The following SVIL variants were observed in gnomAD, a reference collection of about 807,000 sequenced individuals.
SVIL encodes archvillin.
SVIL carries 101 observed loss-of-function variants against 240.4 expected under a neutral mutation model. The observed-to-expected ratio is 0.42, with a 90% CI of 0.36 to 0.50. The LOEUF (loss-of-function observed/expected upper bound fraction) is 0.50. SVIL is among the 20% of genes least tolerant of loss of function. The pLI is 0.01. For missense variants in SVIL, 2,512 were observed against 2,818.7 expected, an observed-to-expected ratio of 0.89 and a Z score of 2.46; for synonymous variants, 999 against 1,100.0, an observed-to-expected ratio of 0.91 and a Z score of 1.82.
At chr10:29,504,145 TA>T (rs1007545845) in intron 17 of SVIL, among the ~76,000 whole-genome samples, 2 of 151,062 alleles carry the variant, frequency 1.3e-5, no homozygotes, top group African/African-American at 4.9e-5. Flanking sequence ...CACTCATATG[TA>T]AAAAAAAACT....
intron 2 of SVIL, among the ~76,000 whole-genome samples, chr10:29,678,482 G>T (rs1960374185): frequency 6.6e-6 from 1 of 152,118 alleles, no homozygotes; most frequent in Non-Finnish European, 1.5e-5. Flanking sequence ...AAATACAGAT[G>T]AAGTTTCACT....
chr10:29,535,054 G>T (rs7893525), intron 7 of SVIL, among the ~76,000 whole-genome samples: 5,934 of 152,270 alleles, frequency 0.039, 382 homozygotes, highest in African/African-American at 0.13. Flanking sequence ...GATGTGCACT[G>T]TATGGAAAAG....
intron 17 of SVIL, among the ~76,000 whole-genome samples, chr10:29,509,251 C>T (rs12772984): frequency 0.15 from 21,559 of 142,778 alleles, 2,058 homozygotes; most frequent in East Asian, 0.31. Context: ...ATACCAAGAA[C>T]AGGTGAAAGA....
At position 29,555,054 on chromosome 10, in the gene SVIL, T is replaced by C; in HGVS notation, c.5A>G (p.Lys2Arg). The change falls in exon 4 of 38, where the codon AAA becomes AGA. Residue 2 changes from lysine to arginine, a missense_variant. Transcript: ENST00000355867. M[K>R]RKERIARRLE... ...ACTCCCACTATAAAGATCTTACCTT[T>C]TCATTTCTAAGAATTCTTTCTTCTT... is the stretch of plus-strand genomic sequence containing the variant. The C allele has an allele frequency of 6.2e-7, 1 of 1,613,100 alleles. No homozygotes were observed. The highest frequency in any genetic ancestry group is 8.5e-7 in the Non-Finnish European group (1 of 1,179,758).
At chr10:29,605,384 C>T (rs965549131) in intron 1 of SVIL, among the ~76,000 whole-genome samples, 2 of 152,244 alleles carry the variant, frequency 1.3e-5, no homozygotes, top group South Asian at 4.1e-4. Context: ...CCCCCAGCCT[C>T]AGCAGAGTGC....
intron 6 of SVIL, among the ~76,000 whole-genome samples, chr10:29,549,503 C>G (rs1237752417): frequency 7.5e-6 from 1 of 134,074 alleles, no homozygotes; most frequent in East Asian, 2.2e-4. Flanking sequence ...ACCATTTGAC[C>G]CAGCCATCCC....
chr10:29,555,300 A>G (rs117496406), intron 3 of SVIL, among the ~76,000 whole-genome samples, 192 bp from the exon 4 acceptor site: 1 of 146,302 alleles, frequency 6.8e-6, no homozygotes, highest in East Asian at 2.0e-4. Flanking sequence ...TGCCAAATGA[A>G]TAAGAGTGTG....
At position 29,533,447 on chromosome 10, in the gene SVIL, CTAACTT is replaced by C. The variant is rs1564593146; in HGVS notation, c.914_919del (p.Lys305_Val306del). 3 of 1,612,616 alleles carry C rather than the reference CTAACTT, an allele frequency of 1.9e-6. No homozygotes were observed. The highest frequency in any genetic ancestry group is 1.1e-5 in the South Asian group (1 of 91,000). Reference sequence around the variant, plus strand: ...ACTTTCCTCTTTCACCAATTTTTCTCTAACTTTAACTCTTTAAGAAAGAAAAAGGAT... The same window carrying C: ...ACTTTCCTCTTTCACCAATTTTTCTCTAACTCTTTAAGAAAGAAAAAGGAT... On this transcript the variant is annotated inframe_deletion, in exon 8 of 38. Coordinates refer to ENST00000355867, the MANE Select transcript of SVIL (RefSeq NM_021738.3).
At chr10:29,573,624 G>A (rs1955547878) in intron 1 of SVIL, among the ~76,000 whole-genome samples, 3 of 151,904 alleles carry the variant, frequency 2.0e-5, no homozygotes, top group African/African-American at 7.3e-5. Flanking sequence ...TCACACAGGG[G>A]AGCTACAAAA....
intron 1 of SVIL, among the ~76,000 whole-genome samples, chr10:29,599,107 G>A (rs1420259077): frequency 1.3e-5 from 2 of 152,092 alleles, no homozygotes; most frequent in Non-Finnish European, 2.9e-5. Flanking sequence ...TATGTCATTT[G>A]GTTTAGCTTT....
intron 12 of SVIL, among the ~76,000 whole-genome samples, chr10:29,528,032 A>C (rs571925262): frequency 2.4e-4 from 37 of 152,138 alleles, no homozygotes; most frequent in African/African-American, 8.7e-4. Context: ...CCCGGCCTCA[A>C]TCTACTTTTT....
chr10:29,488,376 A>T (rs950037388), intron 23 of SVIL, among the ~76,000 whole-genome samples: 1 of 152,080 alleles, frequency 6.6e-6, no homozygotes, highest in African/African-American at 2.4e-5. Context: ...GACTCCAGAC[A>T]CGTTCCTGCC....
At chr10:29,585,035 G>A (rs1417128638) in intron 1 of SVIL, among the ~76,000 whole-genome samples, 3 of 152,076 alleles carry the variant, frequency 2.0e-5, no homozygotes, top group Non-Finnish European at 2.9e-5. Context: ...CCAAGTAGCT[G>A]GGACTATAGG....
chr10:29,499,195 C>T lies in SVIL; in HGVS notation c.3585G>A (p.Glu1195=), dbSNP rs769637796. 6.8e-6 allele frequency: 11 copies of T among 1,614,206 alleles called. No homozygotes were observed. The highest frequency in any genetic ancestry group is 9.3e-6 in the Non-Finnish European group (11 of 1,180,030). Residue 1195 remains glutamate (E), a synonymous_variant, in exon 18 of 38, where the codon GAG becomes GAA. Coordinates refer to ENST00000355867, the MANE Select transcript of SVIL (RefSeq NM_021738.3). ...CTCTGCCTCTCGTCTTCCAGGCCTC[C>T]TCTCTCACAGTGATGAGCTGCTTCC... ...EERKQLITVR[E]EAWKTRGRGA...
chr10:29,624,867 T>C (rs1390142765), intron 1 of SVIL, among the ~76,000 whole-genome samples: 1 of 152,216 alleles, frequency 6.6e-6, no homozygotes, highest in Non-Finnish European at 1.5e-5. Flanking sequence ...GAATAAATTG[T>C]AATTTACTTT....
At chr10:29,619,814 A>G (rs1214367436) in intron 1 of SVIL, among the ~76,000 whole-genome samples, 1 of 152,228 alleles carries the variant, frequency 6.6e-6, no homozygotes, top group Admixed American at 6.5e-5. Context: ...CTCATTACAA[A>G]CTACATTTTA....
rs1477261132 is a variant in SVIL at position 29,488,668 on chromosome 10, G to A, written c.4281C>T (p.Asn1427=). 1 of 1,613,164 alleles carries A rather than the reference G, an allele frequency of 6.2e-7. No homozygotes were observed. ...NFSNVSLRSV[N]LTEQNSNNSA... ...TGTTGTTAGAGTTCTGTTCCGTCAG[G>A]TTGACGCTCCGCAGGCTGACGTTGC... The change falls in exon 23 of 38, where the codon AAC becomes AAT. Residue 1427 remains asparagine, a synonymous_variant. Transcript: ENST00000355867.
chr10:29,710,226 T>A (rs1963183913), intron 1 of SVIL, among the ~76,000 whole-genome samples: 1 of 152,096 alleles, frequency 6.6e-6, no homozygotes, highest in Non-Finnish European at 1.5e-5. Flanking sequence ...GCTACCTTTT[T>A]AATTTTTCGT....
At chr10:29,555,231 A>G in intron 3 of SVIL, 123 bp from the exon 4 acceptor site, 1 of 989,610 alleles carries the variant, frequency 1.0e-6, no homozygotes, top group Non-Finnish European at 1.4e-6. Flanking sequence ...TCACAGTGAC[A>G]TGCAAAACTG....
Sources: gnomAD v4.1 joint callset for allele counts (sites outside exome capture counted in the v4.1 genomes callset) on GRCh38, gnomAD v4.1.1 for gene constraint, MANE v1.5 for transcripts, NCBI Gene and HGNC (gene_info 2026-07-23, HGNC 2026-07-21) for gene names.